Variants in GRK3 observed in about 807,000 individuals in gnomAD.
GRK3 encodes G protein-coupled receptor kinase 3, also known as adrenergic, beta, receptor kinase 2.
A neutral mutation model predicts 95.7 loss-of-function variants in GRK3; 54 were observed. The observed-to-expected ratio is 0.56, with a 90% CI of 0.45 to 0.71. GRK3 has a LOEUF of 0.71. Among genes scored for constraint, GRK3 ranks in the 30% least tolerant of loss-of-function variants. GRK3 has a pLI of 0.00. For synonymous variants in GRK3, 281 were observed against 290.8 expected, an observed-to-expected ratio of 0.97 and a Z score of 0.34; for missense variants, 649 against 851.2, an observed-to-expected ratio of 0.76 and a Z score of 2.96.
At chr22:25,629,677 C>T (rs566938941) in intron 2 of GRK3, among the ~76,000 whole-genome samples, 2 of 152,288 alleles carry the variant, frequency 1.3e-5, no homozygotes, top group East Asian at 1.9e-4. Context: ...CAGGACAGAG[C>T]GTGGTGTGTG....
chr22:25,677,697 G>A (rs1285125462), intron 8 of GRK3, among the ~76,000 whole-genome samples: 1 of 152,190 alleles, frequency 6.6e-6, no homozygotes, highest in Non-Finnish European at 1.5e-5. Context: ...GATTTTCTGT[G>A]TCTGCTACAC....
chr22:25,620,006 T>TTTG (rs144086816), intron 2 of GRK3, among the ~76,000 whole-genome samples: 3 of 90,322 alleles, frequency 3.3e-5, no homozygotes, highest in South Asian at 3.8e-4. Context: ...TTTGTCTTTT[T>TTTG]TGTGTGTGTG....
intron 9 of GRK3, 129 bp downstream of exon 9, chr22:25,679,044 A>G (rs2085054614): frequency 1.7e-6 from 1 of 571,664 alleles, no homozygotes; most frequent in East Asian, 3.2e-5. Context: ...ATCTGATAGT[A>G]TCTCTTTATT....
At position 25,620,293 on chromosome 22, in the gene GRK3, C is replaced by T. The variant is rs554760974; in HGVS notation, c.190+15840C>T. 1.4e-4 allele frequency among the ~76,000 whole-genome samples: 21 copies of T among 152,160 alleles called. No individual in the cohort carries two copies. In the South Asian group the frequency reaches 4.4e-3, roughly 32 times the overall value. On this transcript the variant is annotated intron_variant, in intron 2 of 20. Transcript: ENST00000324198. ...CATAGCCCGCGAAAAAGCTGGCCCTCCCACCCTAGCCTTTTAATATGCAAA... is the reference window on the plus strand; with the variant it reads ...CATAGCCCGCGAAAAAGCTGGCCCTTCCACCCTAGCCTTTTAATATGCAAA...
At chr22:25,673,087 A>C (rs1197578898) in intron 7 of GRK3, among the ~76,000 whole-genome samples, 1 of 131,670 alleles carries the variant, frequency 7.6e-6, no homozygotes, top group African/African-American at 3.0e-5. Context: ...TTTTGAGACG[A>C]GTCTCGCTCT....
chr22:25,698,806 G>A (rs1267175537), intron 13 of GRK3, among the ~76,000 whole-genome samples: 1 of 152,212 alleles, frequency 6.6e-6, no homozygotes, highest in African/African-American at 2.4e-5. Context: ...GCAAAAGGCA[G>A]TGAGTTTGCG....
At chr22:25,710,358 A>G (rs1040078370) in intron 16 of GRK3, among the ~76,000 whole-genome samples, 1 of 152,164 alleles carries the variant, frequency 6.6e-6, no homozygotes, top group African/African-American at 2.4e-5. Flanking sequence ...ATAGATCTCT[A>G]TAAAATGTAC....
In GRK3 at chr22:25,565,144, C is replaced by T; in HGVS notation, c.104C>T (p.Pro35Leu). 2 of 1,523,158 alleles carry T rather than the reference C, an allele frequency of 1.3e-6. No homozygotes were observed. The highest frequency in any genetic ancestry group is 1.8e-6 in the Non-Finnish European group (2 of 1,137,352). The allele number at this position is 1,523,158 out of a possible 1,614,324, so 94.4% of individuals were successfully genotyped here. A position where few individuals can be genotyped will look rare whatever the true frequency, so the allele number is the denominator to read the frequency against. Residue 35 changes from proline (P) to leucine (L), a missense_variant, in exon 1 of 21, where the codon CCG becomes CTG. Physicochemically the swap from Pro to Leu is moderately conservative, Grantham distance 98. Around this residue, in one of 3 missense-constraint regions of GRK3, gnomAD observed 206 missense variants for 231.4 expected, o/e 0.89. Coordinates refer to ENST00000324198, the MANE Select transcript of GRK3 (RefSeq NM_005160.4). ...CGCGCCAGCAAGAGGATCGTCCTGC[C>T]GGAGCCCAGGTACCAGCTGCCCCGG... is the stretch of plus-strand genomic sequence containing the variant. ...AARASKRIVL[P>L]EPSIRSVMQK...
At chr22:25,614,556 A>G (rs144094723) in intron 2 of GRK3, among the ~76,000 whole-genome samples, 16 of 152,346 alleles carry the variant, frequency 1.1e-4, no homozygotes, top group African/African-American at 3.4e-4. Flanking sequence ...CTACCTGTGT[A>G]CTAGACACTT....
At chr22:25,640,285 G>T (rs2146377877) in intron 2 of GRK3, among the ~76,000 whole-genome samples, 1 of 152,234 alleles carries the variant, frequency 6.6e-6, no homozygotes, top group Non-Finnish European at 1.5e-5. Flanking sequence ...TGACCATTCT[G>T]TCTGAAATAC....
At chr22:25,717,437 C>T (rs769914903) in intron 18 of GRK3, among the ~76,000 whole-genome samples, 3 of 152,090 alleles carry the variant, frequency 2.0e-5, no homozygotes, top group Admixed American at 6.6e-5. Context: ...ATGGGTTTTA[C>T]GTGTTTACTT....
chr22:25,715,810 C>T (rs968348680), intron 18 of GRK3, among the ~76,000 whole-genome samples: 2 of 152,164 alleles, frequency 1.3e-5, no homozygotes, highest in African/African-American at 4.8e-5. Flanking sequence ...TTGGTAGCAG[C>T]ATCTTGGTAT....
chr22:25,719,325 A>G (rs78275354), intron 19 of GRK3, among the ~76,000 whole-genome samples: 7,600 of 152,258 alleles, frequency 0.05, 321 homozygotes, highest in African/African-American at 0.11. Context: ...AGGAGGTGGA[A>G]GGGTGACTCA....
Position 25,687,605 on chromosome 22 carries a change from A to G in GRK3, c.895A>G (p.Thr299Ala). ...FSEKEMRFYA[T>A]EIILGLEHMH... Reference sequence around the variant, plus strand: ...TGAGAAGGAGATGCGGTTTTATGCCACTGAAATCATTCTGGGTCTGGAACA... The same window carrying G: ...TGAGAAGGAGATGCGGTTTTATGCCGCTGAAATCATTCTGGGTCTGGAACA... The change falls in exon 11 of 21, where the codon ACT becomes GCT. Residue 299 changes from threonine (T) to alanine (A), a missense_variant. Around this residue, in one of 3 missense-constraint regions of GRK3, gnomAD observed 382 missense variants for 493.8 expected, o/e 0.77. Coordinates refer to ENST00000324198, the MANE Select transcript of GRK3 (RefSeq NM_005160.4). 1 of 1,614,166 alleles carries G rather than the reference A, an allele frequency of 6.2e-7. No individual in the cohort carries two copies. The highest frequency in any genetic ancestry group is 8.5e-7 in the Non-Finnish European group (1 of 1,179,988).
intron 5 of GRK3, among the ~76,000 whole-genome samples, chr22:25,665,008 A>G (rs1045127334): frequency 6.6e-6 from 1 of 152,186 alleles, no homozygotes. Context: ...AGCTTGGGTT[A>G]TGAAATTCAT....
chr22:25,724,108 C>G lies in GRK3; in HGVS notation c.*1658C>G, dbSNP rs1218664577. 2.1e-5 allele frequency: 3 copies of G among 146,194 alleles called. No homozygotes were observed. Among genetic ancestry groups the G allele is most frequent in the Non-Finnish European group, 4.5e-5 (3 of 67,100 alleles). 9.1% of individuals were successfully genotyped at this position (146,194 alleles called of 1,614,324 possible). On this transcript the variant is annotated 3_prime_UTR_variant, in exon 21 of 21. Coordinates refer to ENST00000324198, the MANE Select transcript of GRK3 (RefSeq NM_005160.4). ...AAAAAGGAAGAATAGTATTCAAATTCTGTTGAAACACACACACACACACAC... is the reference window on the plus strand; with the variant it reads ...AAAAAGGAAGAATAGTATTCAAATTGTGTTGAAACACACACACACACACAC...
At position 25,705,071 on chromosome 22, in the gene GRK3, A is replaced by G. The variant is rs537252559; in HGVS notation, c.1328+862A>G. Reference sequence around the variant, plus strand: ...ATGTGTATGTATTTTTAGTGTGCATATTATACATATAAGCATTTTATGTAG... The same window carrying G: ...ATGTGTATGTATTTTTAGTGTGCATGTTATACATATAAGCATTTTATGTAG... On this transcript the variant is annotated intron_variant, in intron 15 of 20. Transcript: ENST00000324198. 9.0e-4 allele frequency among the ~76,000 whole-genome samples: 137 copies of G among 152,300 alleles called. 1 individual carries two copies. Among genetic ancestry groups the G allele is most frequent in the Non-Finnish European group, 1.1e-3 (78 of 68,032 alleles).
chr22:25,710,579 A>G (rs1601543943), intron 16 of GRK3, among the ~76,000 whole-genome samples: 2 of 152,216 alleles, frequency 1.3e-5, no homozygotes, highest in East Asian at 3.9e-4. Flanking sequence ...GCTGCAGAGA[A>G]ATGACGATTT....
At chr22:25,584,239 G>A (rs1932209427) in intron 1 of GRK3, among the ~76,000 whole-genome samples, 1 of 152,230 alleles carries the variant, frequency 6.6e-6, no homozygotes, top group South Asian at 2.1e-4. Context: ...GTCAATTGAG[G>A]CCTGAAAATG....
Sources: gnomAD v4.1 joint callset for allele counts (sites outside exome capture counted in the v4.1 genomes callset) on GRCh38, gnomAD v4.1.1 for gene constraint, gnomAD v4.1.1 regional missense constraint, MANE v1.5 for transcripts, NCBI Gene and HGNC (gene_info 2026-07-23, HGNC 2026-07-21) for gene names.